The following GRAMD1A variants were observed in gnomAD, a reference collection of about 807,000 sequenced individuals.
GRAMD1A encodes the protein GRAM domain containing 1A.
GRAMD1A carries 50 observed loss-of-function variants against 92.0 expected under a neutral mutation model. The observed-to-expected ratio is 0.54, with a 90% CI of 0.43 to 0.69. The LOEUF (loss-of-function observed/expected upper bound fraction) is 0.69. Among genes scored for constraint, GRAMD1A ranks in the 30% least tolerant of loss-of-function variants. The probability of loss-of-function intolerance (pLI) is 0.00; values close to 1 mark genes in which losing one functional copy is unlikely to be tolerated. For synonymous variants in GRAMD1A, 405 were observed against 403.6 expected (o/e 1.00, Z -0.04); for missense variants, 819 against 978.9 (o/e 0.84, Z 2.18).
At chr19:35,005,129 G>A (rs1600279716) in intron 1 of GRAMD1A, among the ~76,000 whole-genome samples, 1 of 147,912 alleles carries the variant, frequency 6.8e-6, no homozygotes, top group Non-Finnish European at 1.5e-5. Flanking sequence ...ATCCCCAACA[G>A]TATGTGCTCA....
At chr19:34,998,444 C>G (rs2014134277), upstream of GRAMD1A, 1 of 151,192 alleles carries the variant, frequency 6.6e-6, no homozygotes, top group South Asian at 2.1e-4. Context: ...GCTGGGATTA[C>G]AGGTGCAAGC....
rs778464805 is a variant in GRAMD1A at position 35,019,241 on chromosome 19, G to T, written c.1264G>T (p.Val422Leu). ...GGACAGCAAGTGCCACCAGCGCCGG[G>T]TGCTGACGTACACCATCCCCATCAG... The part of the protein sequence containing the change: ...SGDSKCHQRR[V>L]LTYTIPISNP... Residue 422 changes from valine to leucine, a missense_variant, in exon 12 of 20, where the codon GTG (valine) becomes TTG (leucine). Val to Leu is a conservative substitution (Grantham distance 32). Around this residue, in one of 3 missense-constraint regions of GRAMD1A, gnomAD observed 577 missense variants for 674.6 expected, o/e 0.86. Transcript: ENST00000317991. 2 of 1,613,466 alleles carry T rather than the reference G, an allele frequency of 1.2e-6. No homozygotes were observed. The highest frequency in any genetic ancestry group is 4.5e-5 in the East Asian group (2 of 44,848).
chr19:35,006,986 A>G (rs2014868478), intron 1 of GRAMD1A, among the ~76,000 whole-genome samples: 1 of 152,142 alleles, frequency 6.6e-6, no homozygotes, highest in Non-Finnish European at 1.5e-5. Flanking sequence ...TGGGAATGAG[A>G]TTGGAGAGCT....
rs1600303827 is a variant in GRAMD1A at position 35,013,078 on chromosome 19, T to C, written c.607-178T>C. 1 of 574,280 alleles carries C rather than the reference T, an allele frequency of 1.7e-6. No individual in the cohort carries two copies. The allele number at this position is 574,280 out of a possible 1,614,324, so 35.6% of individuals were successfully genotyped here. A position where few individuals can be genotyped will look rare whatever the true frequency, so the allele number is the denominator to read the frequency against. Reference sequence around the variant, plus strand: ...AAGTTTGAGTCCTGGGCGCAGGCCCTGGAGGGGCTGTAGCAGGGGATTCCC... The same window carrying C: ...AAGTTTGAGTCCTGGGCGCAGGCCCCGGAGGGGCTGTAGCAGGGGATTCCC... On this transcript the variant is annotated intron_variant, in intron 7 of 19. Coordinates refer to ENST00000317991, the MANE Select transcript of GRAMD1A (RefSeq NM_020895.5). The surrounding 1 kb of genome is among the most constrained non-coding windows in gnomAD (Gnocchi z 4.9).
At chr19:35,015,514 G>A in intron 10 of GRAMD1A, 2 of 286,920 alleles carry the variant, frequency 7.0e-6, no homozygotes, top group South Asian at 1.1e-4. Context: ...TGAACCAATT[G>A]CTGTGCCCCT....
At chr19:35,025,859 C>G (rs531758291) in intron 19 of GRAMD1A, among the ~76,000 whole-genome samples, 190 bp from the exon 20 acceptor site, 2 of 152,120 alleles carry the variant, frequency 1.3e-5, no homozygotes, top group Non-Finnish European at 2.9e-5. Flanking sequence ...ACACTAAGCC[C>G]CTTCCTCTGC....
Position 35,004,362 on chromosome 19 carries a change from C to T in GRAMD1A, c.8+3876C>T, listed in dbSNP as rs967220442. On this transcript the variant is annotated intron_variant, in intron 1 of 19. Coordinates refer to ENST00000317991, the MANE Select transcript of GRAMD1A (RefSeq NM_020895.5). ...TCTGTGGTCCTCAAACTTGAATGTG[C>T]GTCGGAATCTCTGGCCCCACCCCAG... Among the ~76,000 whole-genome samples, 10 of 152,126 alleles carry T rather than the reference C, an allele frequency of 6.6e-5. No individual in the cohort carries two copies. The East Asian group carries it at 1.4e-3, about 21-fold the overall frequency.
At chr19:34,995,411 G>A (rs1014299672), upstream of GRAMD1A, among the ~76,000 whole-genome samples, 1 of 151,478 alleles carries the variant, frequency 6.6e-6, no homozygotes, top group African/African-American at 2.4e-5. Context: ...CCCTGGCCTA[G>A]CCCCATGCAT....
At position 35,009,965 on chromosome 19, in the gene GRAMD1A, C is replaced by T. The variant is rs2015100726; in HGVS notation, c.318C>T (p.Leu106=). The change falls in exon 4 of 20, where the codon CTC becomes CTT. Residue 106 remains leucine (L), a synonymous_variant. Coordinates refer to ENST00000317991, the MANE Select transcript of GRAMD1A (RefSeq NM_020895.5). ...LFSKLPEAER[L]IVDYSCALQR... ...GCAAACTCCCCGAAGCAGAACGCCT[C>T]ATTGTGGGTGAGTCCCGGACCCCCA... The T allele has an allele frequency of 1.2e-6, 2 of 1,608,070 alleles. No individual in the cohort carries two copies. Among genetic ancestry groups the T allele is most frequent in the Non-Finnish European group, 8.5e-7 (1 of 1,174,574 alleles).
At chr19:35,025,996 C>A in intron 19 of GRAMD1A, 53 bp from the exon 20 acceptor site, 1 of 904,618 alleles carries the variant, frequency 1.1e-6, no homozygotes, top group Non-Finnish European at 1.9e-6. Flanking sequence ...TGGGCGACAT[C>A]ACCCCCCAGC....
At chr19:34,995,949 C>T (rs1168654181), upstream of GRAMD1A, 24 of 1,310,474 alleles carry the variant, frequency 1.8e-5, no homozygotes, top group Non-Finnish European at 2.1e-5. Context: ...GGTAAGGGGG[C>T]TTAAGCGGGA....
chr19:35,004,760 G>A lies in GRAMD1A; in HGVS notation c.8+4274G>A, dbSNP rs138997141. Among the ~76,000 whole-genome samples, 762 of 152,266 alleles carry A rather than the reference G, an allele frequency of 5.0e-3. 6 individuals carry two copies. The highest frequency in any genetic ancestry group is 0.017 in the African/African-American group (720 of 41,548). The stretch of plus-strand genomic sequence containing the variant: ...GCAGTGGTGCACTGGGCTGGCAGCC[G>A]CGCTGTACACTCCATCTTAGTCCGC... On this transcript the variant is annotated intron_variant, in intron 1 of 19. Coordinates refer to ENST00000317991, the MANE Select transcript of GRAMD1A (RefSeq NM_020895.5).
chr19:34,998,380 T>G (rs555436138), upstream of GRAMD1A: 6 of 143,134 alleles, frequency 4.2e-5, no homozygotes, highest in East Asian at 1.3e-3. Context: ...CCTGGCTCAC[T>G]GCAACTTCCA....
At chr19:35,003,351 G>A (rs1259146036) in intron 1 of GRAMD1A, among the ~76,000 whole-genome samples, 2 of 152,152 alleles carry the variant, frequency 1.3e-5, no homozygotes, top group African/African-American at 2.4e-5. Flanking sequence ...CTAGGAAGTT[G>A]GAGGTCAGGT....
chr19:35,000,173 A>G, upstream of GRAMD1A: 29 of 1,009,568 alleles, frequency 2.9e-5, no homozygotes, highest in Non-Finnish European at 3.1e-5. This position sits in a 1 kb window ranked among gnomAD's most constrained non-coding sequence, Gnocchi z 4.9. Flanking sequence ...TTCTCTGTCC[A>G]GTCCCTCTCT....
chr19:35,011,101 C>CAAA lies in GRAMD1A; in HGVS notation c.526-356_526-354dup, dbSNP rs56905471. Among the ~76,000 whole-genome samples the CAAA allele has an allele frequency of 3.1e-4, 22 of 71,714 alleles. No individual in the cohort carries two copies. The South Asian group carries it at 6.8e-3, about 22-fold the overall frequency. The allele number at this position is 71,714 out of a possible 152,430, so 47.0% of individuals were successfully genotyped here. A position where few individuals can be genotyped will look rare whatever the true frequency, so the allele number is the denominator to read the frequency against. On this transcript the variant is annotated intron_variant, in intron 6 of 19. Coordinates refer to ENST00000317991, the MANE Select transcript of GRAMD1A (RefSeq NM_020895.5). ...TGGGTGACAAAGCCAGACCCTGTCT[C>CAAA]AAAAAAAAAAAAAAAAAAAGGATCA...
upstream of GRAMD1A, among the ~76,000 whole-genome samples, chr19:34,996,624 T>C (rs1402205103): frequency 6.6e-6 from 1 of 152,078 alleles, no homozygotes; most frequent in Non-Finnish European, 1.5e-5. Context: ...CTGGCCAACA[T>C]GGTAAAACCC....
upstream of GRAMD1A, among the ~76,000 whole-genome samples, chr19:34,995,434 C>T (rs1470985200): frequency 5.3e-5 from 8 of 152,192 alleles, no homozygotes. Context: ...CAGAGCCCTC[C>T]AGATACTGCC....
intron 10 of GRAMD1A, chr19:35,014,659 T>C: frequency 1.9e-6 from 1 of 519,422 alleles, no homozygotes. Context: ...ATGTAACTTC[T>C]CTGAGCTTGC....
Sources: gnomAD v4.1 joint callset for allele counts (sites outside exome capture counted in the v4.1 genomes callset) on GRCh38, gnomAD v4.1.1 for gene constraint, gnomAD v4.1.1 regional missense constraint, Gnocchi (gnomAD v3.1) non-coding constraint, MANE v1.5 for transcripts, NCBI Gene and HGNC (gene_info 2026-07-23, HGNC 2026-07-21) for gene names.